TYW2: variants seen among roughly 807,000 people sequenced by gnomAD.
The protein encoded by TYW2 is tRNA wybutosine-synthesizing protein 2.
chr8:124,452,255 CCT>C, the TYW2 span: 1 of 1,613,438 alleles, frequency 6.2e-7, no homozygotes, highest in Non-Finnish European at 8.5e-7. Context: ...GAATGCTGCC[CCT>C]GTCCTTCAGT....
At chr8:124,450,827 G>C in the TYW2 span, 10 of 1,395,092 alleles carry the variant, frequency 7.2e-6, no homozygotes, top group Non-Finnish European at 9.7e-6. Flanking sequence ...GTCATTTCCG[G>C]CACCGGCATG....
At chr8:124,452,320 T>C in the TYW2 span, 1 of 1,585,492 alleles carries the variant, frequency 6.3e-7, no homozygotes, top group Non-Finnish European at 8.6e-7. Flanking sequence ...CGAGTGGCCC[T>C]TAAATGTATC....
chr8:124,451,843 G>T, the TYW2 span: 3 of 1,614,058 alleles, frequency 1.9e-6, no homozygotes, highest in African/African-American at 2.7e-5. Flanking sequence ...TGCAGATAGG[G>T]TGATCCTGGG....
At chr8:124,450,825 C>A in the TYW2 span, 1 of 1,387,426 alleles carries the variant, frequency 7.2e-7, no homozygotes, top group Non-Finnish European at 9.8e-7. Context: ...ACGTCATTTC[C>A]GGCACCGGCA....
the TYW2 span, chr8:124,451,151 G>C: frequency 1.9e-6 from 3 of 1,614,220 alleles, no homozygotes; most frequent in Non-Finnish European, 2.5e-6. Context: ...CAGGAGCTGA[G>C]GAATCGTGTT....
At chr8:124,451,273 G>A in the TYW2 span, 3 of 1,614,188 alleles carry the variant, frequency 1.9e-6, no homozygotes, top group East Asian at 2.2e-5. Flanking sequence ...TCGCTGGGTG[G>A]AGGGTCGGGG....
chr8:124,450,837 G>A, the TYW2 span: 1 of 1,459,592 alleles, frequency 6.9e-7, no homozygotes, highest in South Asian at 1.3e-5. Flanking sequence ...GCACCGGCAT[G>A]GCCGGGTGAG....
the TYW2 span, chr8:124,452,595 G>T: frequency 3.2e-6 from 1 of 311,856 alleles, no homozygotes; most frequent in East Asian, 7.1e-5. Context: ...TTTGCAAAAT[G>T]AGAGTTTCTT....
chr8:124,450,840 C>T, the TYW2 span: 10 of 1,474,482 alleles, frequency 6.8e-6, no homozygotes, highest in South Asian at 5.4e-5. Flanking sequence ...CCGGCATGGC[C>T]GGGTGAGCTG....
At chr8:124,451,625 G>A in the TYW2 span, 1 of 1,614,226 alleles carries the variant, frequency 6.2e-7, no homozygotes, top group Non-Finnish European at 8.5e-7. Flanking sequence ...TCGTTGTCCT[G>A]TGCTGGAGAA....
the TYW2 span, chr8:124,450,894 G>GC: frequency 6.3e-7 from 1 of 1,579,008 alleles, no homozygotes; most frequent in African/African-American, 1.4e-5. Context: ...AGCCTGGTGA[G>GC]CCGACTCTGA....
the TYW2 span, chr8:124,451,398 A>G: frequency 6.2e-7 from 1 of 1,614,176 alleles, no homozygotes; most frequent in Non-Finnish European, 8.5e-7. Flanking sequence ...AAAATCTGGG[A>G]CCGGAACTCT....
chr8:124,452,478 C>T, the TYW2 span: 11 of 558,550 alleles, frequency 2.0e-5, no homozygotes, highest in African/African-American at 3.8e-5. Context: ...TTGGGAGAAG[C>T]AGCATGGCCC....
At chr8:124,452,605 T>C in the TYW2 span, 1 of 293,802 alleles carries the variant, frequency 3.4e-6, no homozygotes, top group African/African-American at 2.2e-5. Flanking sequence ...GAGAGTTTCT[T>C]TGAACTGTCT....
chr8:124,451,101 G>C, the TYW2 span: 1 of 1,614,092 alleles, frequency 6.2e-7, no homozygotes, highest in South Asian at 1.1e-5. Flanking sequence ...GCTCGGTGGC[G>C]CTACCGGTGC....
the TYW2 span, chr8:124,451,731 C>T: frequency 2.1e-5 from 34 of 1,613,978 alleles, no homozygotes; most frequent in Admixed American, 5.0e-5. Flanking sequence ...AGTGGAATCC[C>T]CATGCTGTAG....
At chr8:124,452,569 G>A in the TYW2 span, 1 of 372,588 alleles carries the variant, frequency 2.7e-6, no homozygotes, top group South Asian at 5.0e-5. Flanking sequence ...GTATGTTTTG[G>A]CCTCGGGTTT....
chr8:124,452,623 CTATT>C, the TYW2 span: 1 of 250,158 alleles, frequency 4.0e-6, no homozygotes, highest in Non-Finnish European at 8.3e-6. Flanking sequence ...TCTCACGTGA[CTATT>C]AAGCAACTAT....
At chr8:124,451,931 T>C in the TYW2 span, 1 of 1,614,142 alleles carries the variant, frequency 6.2e-7, no homozygotes, top group Non-Finnish European at 8.5e-7. Context: ...ATTTTGCATA[T>C]CCACCAAAAT....
Sources: allele counts gnomAD v4.1 joint callset, GRCh38; gene constraint gnomAD v4.1.1; transcripts MANE v1.5; gene names NCBI Gene and HGNC (gene_info 2026-07-23, HGNC 2026-07-21).